The following IDS variants were observed in gnomAD, a reference collection of about 807,000 sequenced individuals.
IDS encodes alpha-L-iduronate sulfate sulfatase.
IDS carries 1 observed loss-of-function variant against 33.5 expected under a neutral mutation model. The ratio of observed to expected loss-of-function variants is 0.03; its 90% CI spans 0.01 to 0.14. The LOEUF is 0.14. Ranked by LOEUF, IDS falls within the 10% of genes least tolerant of loss-of-function variation. The probability of loss-of-function intolerance (pLI) is 1.00; values close to 1 mark genes in which losing one functional copy is unlikely to be tolerated. For synonymous variants in IDS, 191 were observed against 184.4 expected (o/e 1.04, Z -0.29); for missense variants, 328 against 448.0 (o/e 0.73, Z 2.42).
chrX:149,500,783 T>C (rs1258740224), intron 4 of IDS, among the ~76,000 whole-genome samples, 166 bp downstream of exon 4: 3 of 108,897 alleles, frequency 2.8e-5, no homozygotes, highest in African/African-American at 1.0e-4. Context: ...CTGTCGGGCC[T>C]AATGCTGAAG....
rs782328976 is a variant in IDS at position 149,486,932 on chromosome X, C to T, written c.1173G>A (p.Met391Ile). 4 of 1,211,392 alleles carry T rather than the reference C, an allele frequency of 3.3e-6. No homozygotes were observed. Among genetic ancestry groups the T allele is most frequent in the Non-Finnish European group, 1.1e-6 (1 of 895,019 alleles). ...LDPFDSASQL[M>I]EPGRQSMDLV... ...TTTCAGCATATTTTATACCTGGCTC[C>T]ATCAACTGTGAGGCGGAATCAAAAG... The change falls in exon 8 of 9, where the codon ATG (methionine) becomes ATA (isoleucine). Residue 391 changes from methionine (M) to isoleucine (I), a missense_variant. Met to Ile is a conservative substitution (Grantham distance 10). This residue lies in a region of IDS where 265 missense variants were observed against 339.2 expected (regional missense o/e 0.78). Transcript: ENST00000340855.
rs71753099 is a variant in IDS, at chrX:149,482,521, T to TAA, written c.*223_*224dup. 13 of 413,131 alleles carry TAA rather than the reference T, an allele frequency of 3.1e-5. No individual in the cohort carries two copies. Among genetic ancestry groups the TAA allele is most frequent in the African/African-American group, 1.0e-4 (4 of 38,582 alleles). The allele number at this position is 413,131 out of a possible 1,213,427, so 34.0% of individuals were successfully genotyped here. On this transcript the variant is annotated 3_prime_UTR_variant, in exon 9 of 9. Transcript: ENST00000340855. ...GTAACTGTTTTAAAAAGAGGGAAATTAAAAAAAAAACTGGTCCAATTACCA... is the reference window on the plus strand; with the variant it reads ...GTAACTGTTTTAAAAAGAGGGAAATTAAAAAAAAAAAACTGGTCCAATTACCA...
intron 6 of IDS, among the ~76,000 whole-genome samples, 178 bp downstream of exon 6, chrX:149,496,157 CCAGGCAACACT>C (rs1400910178): frequency 8.9e-6 from 1 of 112,209 alleles, no homozygotes; most frequent in South Asian, 3.7e-4. Context: ...GAGTCCTGAT[CCAGGCAACACT>C]GCCTGTGTCC....
At chrX:149,487,255 G>A (rs1029473424) in intron 7 of IDS, 157 bp from the exon 8 acceptor site, 10 of 1,207,169 alleles carry the variant, frequency 8.3e-6, no homozygotes, top group Non-Finnish European at 1.0e-5. Context: ...CCACAGAAAG[G>A]GTTATTTCAA....
rs782742133 is a variant in IDS, at chrX:149,481,213, C to T, written c.*1533G>A. The T allele has an allele frequency of 7.1e-5, 8 of 112,055 alleles. No individual in the cohort carries two copies. Among genetic ancestry groups the T allele is most frequent in the Non-Finnish European group, 1.5e-4 (8 of 53,258 alleles). The allele number at this position is 112,055 out of a possible 1,213,427, so 9.2% of individuals were successfully genotyped here. A position where few individuals can be genotyped will look rare whatever the true frequency, so the allele number is the denominator to read the frequency against. On this transcript the variant is annotated 3_prime_UTR_variant, in exon 9 of 9. Coordinates refer to ENST00000340855, the MANE Select transcript of IDS (RefSeq NM_000202.8). ...AACCATCGACCAAAGCAAGCGGAGG[C>T]TCAAAAGAGAGACGAGCTTCAGGAT...
Position 149,504,302 on chromosome X carries a change from G to C in IDS, c.104-9C>G, listed in dbSNP as rs371864469. 1.1e-5 allele frequency: 13 copies of C among 1,202,610 alleles called. No homozygotes were observed. Among genetic ancestry groups the C allele is most frequent in the Non-Finnish European group, 1.5e-5 (13 of 890,562 alleles). The stretch of plus-strand genomic sequence containing the variant: ...AAGAACGTTCAGAGCATCTACACAG[G>C]AGGGAGGGGCTTTGGTGAGGTAACC... On this transcript the variant is annotated splice_polypyrimidine_tract_variant and intron_variant, in intron 1 of 8. Coordinates refer to ENST00000340855, the MANE Select transcript of IDS (RefSeq NM_000202.8).
Position 149,505,244 on chromosome X carries a change from G to A in IDS, c.-107C>T, listed in dbSNP as rs2089518775. 4 of 506,160 alleles carry A rather than the reference G, an allele frequency of 7.9e-6. No homozygotes were observed. Among genetic ancestry groups the A allele is most frequent in the South Asian group, 4.9e-5 (1 of 20,223 alleles). 41.7% of individuals were successfully genotyped at this position (506,160 alleles called of 1,213,427 possible). ...AGAGACCTCCTCGTCGGGAACCCAT[G>A]AAGACTGCGCAACACAGCCGCCGCC... On this transcript the variant is annotated 5_prime_UTR_variant, in exon 1 of 9. Transcript: ENST00000340855.
At chrX:149,487,235 C>A in intron 7 of IDS, 137 bp from the exon 8 acceptor site, 1 of 1,204,247 alleles carries the variant, frequency 8.3e-7, no homozygotes, top group Non-Finnish European at 1.1e-6. Context: ...AAAATATTCA[C>A]TTGGAATTAC....
Position 149,483,233 on chromosome X carries a change from G to A in IDS, c.1181-15C>T, listed in dbSNP as rs199965368. On this transcript the variant is annotated splice_polypyrimidine_tract_variant and intron_variant, in intron 8 of 8. Transcript: ENST00000340855. ...GGATTGCCTGCCTGAAACAGGAAGC[G>A]ACAGAGCAGAATGGGTTACATTATA... 3.5e-5 allele frequency: 41 copies of A among 1,168,441 alleles called. No individual in the cohort carries two copies. Among genetic ancestry groups the A allele is most frequent in the South Asian group, 7.2e-5 (4 of 55,717 alleles).
Position 149,498,245 on chromosome X carries a change from A to G in IDS, c.570T>C (p.Asp190=). ...ANLLCPVDVL[D]VPEGTLPDKQ... The stretch of plus-strand genomic sequence containing the variant: ...TGTCAGGCAAGGTGCCCTCGGGAAC[A>G]TCCAGCACATCCACAGGGCAAAGCA... The change falls in exon 5 of 9, where the codon GAT becomes GAC. Residue 190 remains aspartate (D), a synonymous_variant. Transcript: ENST00000340855. 1 of 1,211,786 alleles carries G rather than the reference A, an allele frequency of 8.3e-7. No individual in the cohort carries two copies. The highest frequency in any genetic ancestry group is 3.0e-5 in the East Asian group (1 of 33,862).
intron 7 of IDS, among the ~76,000 whole-genome samples, chrX:149,489,560 T>C (rs1334025547): frequency 8.9e-6 from 1 of 112,252 alleles, no homozygotes; most frequent in Non-Finnish European, 1.9e-5. Flanking sequence ...TCCTATTTCA[T>C]ATTTGATGAT....
chrX:149,494,751 T>C (rs782065414), intron 6 of IDS, among the ~76,000 whole-genome samples: 2 of 112,261 alleles, frequency 1.8e-5, no homozygotes, highest in Non-Finnish European at 3.8e-5. Context: ...TGGTTCTTGC[T>C]GAAAATCTCT....
chrX:149,494,948 G>C (rs2089423912), intron 6 of IDS, among the ~76,000 whole-genome samples: 1 of 111,598 alleles, frequency 9.0e-6, no homozygotes, highest in Non-Finnish European at 1.9e-5. Context: ...TGGAGTTACA[G>C]TCCCTGGGGA....
In IDS at chrX:149,481,666, C is replaced by T; in HGVS notation, c.*1080G>A. On this transcript the variant is annotated 3_prime_UTR_variant, in exon 9 of 9. Transcript: ENST00000340855. ...GAGATTATATACACTAAGCTTTTTA[C>T]TACCACTGGCCTTTCTGGATACTTT... 1 of 112,209 alleles carries T rather than the reference C, an allele frequency of 8.9e-6. No individual in the cohort carries two copies. The highest frequency in any genetic ancestry group is 2.8e-4 in the East Asian group (1 of 3,599). The allele number at this position is 112,209 out of a possible 1,213,427, so 9.2% of individuals were successfully genotyped here. A position where few individuals can be genotyped will look rare whatever the true frequency, so the allele number is the denominator to read the frequency against.
At chrX:149,487,618 C>G (rs1221835001) in intron 7 of IDS, among the ~76,000 whole-genome samples, 4 of 112,550 alleles carry the variant, frequency 3.6e-5, no homozygotes, top group Non-Finnish European at 7.5e-5. Context: ...ACAAGGACAT[C>G]TTCGTTGATT....
In IDS at chrX:149,482,551, T is replaced by C; in HGVS notation, c.*195A>G. ...AAAAAACTGGTCCAATTACCAATTA[T>C]AAATTTTAATAAAGACTAAACGAAA... On this transcript the variant is annotated 3_prime_UTR_variant, in exon 9 of 9. Coordinates refer to ENST00000340855, the MANE Select transcript of IDS (RefSeq NM_000202.8). 1.7e-6 allele frequency: 1 copy of C among 578,721 alleles called. No homozygotes were observed. Among genetic ancestry groups the C allele is most frequent in the Admixed American group, 4.2e-5 (1 of 23,923 alleles). 47.7% of individuals were successfully genotyped at this position (578,721 alleles called of 1,213,427 possible). A position where few individuals can be genotyped will look rare whatever the true frequency, so the allele number is the denominator to read the frequency against.
At position 149,482,394 on chromosome X, in the gene IDS, T is replaced by C. The variant is rs1214348745; in HGVS notation, c.*352A>G. 1.1e-5 allele frequency: 2 copies of C among 186,836 alleles called. No individual in the cohort carries two copies. The highest frequency in any genetic ancestry group is 2.0e-5 in the Non-Finnish European group (2 of 101,531). The allele number at this position is 186,836 out of a possible 1,213,427, so 15.4% of individuals were successfully genotyped here. ...AATTCCACAAATAATGAAAGTATTCTTTGTGTATAATGTTATGTTTGGTTA... is the reference window on the plus strand; with the variant it reads ...AATTCCACAAATAATGAAAGTATTCCTTGTGTATAATGTTATGTTTGGTTA... On this transcript the variant is annotated 3_prime_UTR_variant, in exon 9 of 9. Coordinates refer to ENST00000340855, the MANE Select transcript of IDS (RefSeq NM_000202.8).
At chrX:149,493,670 G>C (rs1364791870) in intron 6 of IDS, among the ~76,000 whole-genome samples, 8 of 110,901 alleles carry the variant, frequency 7.2e-5, no homozygotes, top group African/African-American at 2.6e-4. Flanking sequence ...GTTGAGGGAA[G>C]AGGCCTCGAG....
chrX:149,491,457 G>C, intron 6 of IDS: 2 of 733,290 alleles, frequency 2.7e-6, no homozygotes, highest in Non-Finnish European at 3.5e-6. Flanking sequence ...CCGTGTCTTC[G>C]CAGACCAGCC....
Sources: gnomAD v4.1 joint callset for allele counts (sites outside exome capture counted in the v4.1 genomes callset) on GRCh38, gnomAD v4.1.1 for gene constraint, gnomAD v4.1.1 regional missense constraint, MANE v1.5 for transcripts, NCBI Gene and HGNC (gene_info 2026-07-23, HGNC 2026-07-21) for gene names.